The following EHD4 variants were observed in gnomAD, a reference collection of about 807,000 sequenced individuals.
EHD4 encodes the protein EH domain-containing protein 4.
A neutral mutation model predicts 51.0 loss-of-function variants in EHD4; 37 were observed. The ratio of observed to expected loss-of-function variants is 0.73; its 90% CI spans 0.56 to 0.95. The LOEUF is 0.95. Among genes scored for constraint, EHD4 ranks in the 40% least tolerant of loss-of-function variants. EHD4 has a pLI of 0.00. For synonymous variants in EHD4, 297 were observed against 317.3 expected (o/e 0.94, Z 0.68); for missense variants, 632 against 733.1 (o/e 0.86, Z 1.59).
chr15:41,943,255 C>T, intron 2 of EHD4, 91 bp from the exon 3 acceptor site: 1 of 991,272 alleles, frequency 1.0e-6, no homozygotes, highest in East Asian at 2.7e-5. Context: ...GGCTTACTGA[C>T]ATCTGTAAAG....
In EHD4 at chr15:41,896,711, T is replaced by C. The variant is rs2067441115; in HGVS notation, c.*3934A>G. On this transcript the variant is annotated 3_prime_UTR_variant, in exon 6 of 6. Transcript: ENST00000220325. ...GGCAGGGGCTCCTCCCTAGCACGAC[T>C]GGAGAAAGGACTCCTGTGAAGCGGT... The C allele has an allele frequency of 6.6e-6, 1 of 152,276 alleles. No individual in the cohort carries two copies. The allele number at this position is 152,276 out of a possible 1,614,324, so 9.4% of individuals were successfully genotyped here. A position where few individuals can be genotyped will look rare whatever the true frequency, so the allele number is the denominator to read the frequency against.
intron 5 of EHD4, among the ~76,000 whole-genome samples, chr15:41,908,893 T>C (rs990666874): frequency 6.6e-6 from 1 of 152,220 alleles, no homozygotes; most frequent in Non-Finnish European, 1.5e-5. Context: ...TACTGGGTGG[T>C]GGCTGCAGGC....
At chr15:41,904,169 C>G (rs1265843726) in intron 5 of EHD4, among the ~76,000 whole-genome samples, 3 of 152,154 alleles carry the variant, frequency 2.0e-5, no homozygotes, top group African/African-American at 7.2e-5. Flanking sequence ...TGTGTCTGGC[C>G]CAGCAGACAA....
chr15:41,923,381 A>G (rs1334377014), intron 3 of EHD4, among the ~76,000 whole-genome samples: 1 of 152,144 alleles, frequency 6.6e-6, no homozygotes, highest in Non-Finnish European at 1.5e-5. Context: ...GGCGGCAAAT[A>G]CCTAGCTACC....
chr15:41,953,639 T>G, intron 2 of EHD4, 125 bp downstream of exon 2: 1 of 1,061,838 alleles, frequency 9.4e-7, no homozygotes, highest in Non-Finnish European at 1.4e-6. Context: ...ATAAACATAT[T>G]TTGTATGACT....
intron 4 of EHD4, among the ~76,000 whole-genome samples, chr15:41,918,354 C>T (rs2067599936): frequency 6.6e-6 from 1 of 152,192 alleles, no homozygotes; most frequent in African/African-American, 2.4e-5. Flanking sequence ...TGATGATCAG[C>T]CAGGTTTGAA....
intron 3 of EHD4, among the ~76,000 whole-genome samples, chr15:41,932,657 C>T (rs974034936): frequency 6.6e-6 from 1 of 152,110 alleles, no homozygotes; most frequent in African/African-American, 2.4e-5. Flanking sequence ...TGCCAGAAGC[C>T]GGGCCCCTCA....
chr15:41,926,057 A>C (rs2067658518), intron 3 of EHD4: 1 of 152,180 alleles, frequency 6.6e-6, no homozygotes, highest in South Asian at 2.1e-4. Context: ...ATGAGTTTTA[A>C]ACAAGATGTG....
chr15:41,963,204 C>T (rs913071539), intron 1 of EHD4, among the ~76,000 whole-genome samples: 1 of 151,400 alleles, frequency 6.6e-6, no homozygotes, highest in Non-Finnish European at 1.5e-5. Flanking sequence ...CCCTTGTTCA[C>T]ATGTTTATCT....
intron 4 of EHD4, among the ~76,000 whole-genome samples, chr15:41,913,637 C>T (rs2067564137): frequency 6.6e-6 from 1 of 152,212 alleles, no homozygotes; most frequent in Non-Finnish European, 1.5e-5. Flanking sequence ...CAAATGTTAA[C>T]TTGTTATCAA....
intron 4 of EHD4, among the ~76,000 whole-genome samples, chr15:41,915,794 C>T (rs912123347): frequency 1.3e-5 from 2 of 152,010 alleles, no homozygotes; most frequent in African/African-American, 2.4e-5. Flanking sequence ...GAGTGTGAGC[C>T]GTCTTCCAAG....
chr15:41,940,533 G>A (rs957088953), intron 3 of EHD4, among the ~76,000 whole-genome samples: 15 of 152,186 alleles, frequency 9.9e-5, no homozygotes, highest in African/African-American at 2.4e-4. Flanking sequence ...GTGTGGCACC[G>A]GGCTTGGGAA....
At position 41,919,342 on chromosome 15, in the gene EHD4, G is replaced by A; in HGVS notation, c.792C>T (p.Pro264=). 7 of 1,614,208 alleles carry A rather than the reference G, an allele frequency of 4.3e-6. No individual in the cohort carries two copies. Among genetic ancestry groups the A allele is most frequent in the Middle Eastern group, 3.3e-4 (2 of 6,058 alleles). Residue 264 remains proline (P), a synonymous_variant, in exon 4 of 6, where the codon CCC becomes CCT. Transcript: ENST00000220325. ...RVYIGSFWAQ[P]LQNTDNRRLF... is the part of the protein sequence containing the mutation. The stretch of plus-strand genomic sequence containing the variant: ...GCCGGCGGTTGTCCGTGTTCTGCAG[G>A]GGCTGCGCCCAGAAGGAGCCAATGT...
At chr15:41,941,408 A>C (rs542781282) in intron 3 of EHD4, among the ~76,000 whole-genome samples, 1 of 152,324 alleles carries the variant, frequency 6.6e-6, no homozygotes, top group Non-Finnish European at 1.5e-5. Flanking sequence ...GCATATGCGC[A>C]GGAAAAAGTC....
chr15:41,963,905 G>T (rs984949089), intron 1 of EHD4, among the ~76,000 whole-genome samples: 4 of 151,950 alleles, frequency 2.6e-5, no homozygotes, highest in Admixed American at 2.0e-4. Context: ...CAGCATTTTG[G>T]GAGGCCGAGG....
At position 41,961,563 on chromosome 15, in the gene EHD4, T is replaced by G. The variant is rs77872679; in HGVS notation, c.237-7623A>C. Among the ~76,000 whole-genome samples the G allele has an allele frequency of 1.3e-4, 20 of 152,352 alleles. No homozygotes were observed. The East Asian group carries it at 3.7e-3, about 28-fold the overall frequency. On this transcript the variant is annotated intron_variant, in intron 1 of 5. Transcript: ENST00000220325. ...TTTATTTTCTTTGAACACTTACGAA[T>G]GATCTCCCACAACTGCATTCCACAG...
rs10552371 is a variant in EHD4, at chr15:41,915,085, GACACACACAC to G, written c.924+4115_924+4124del. Among the ~76,000 whole-genome samples the G allele has an allele frequency of 8.0e-4, 119 of 149,668 alleles. No individual in the cohort carries two copies. In the East Asian group the frequency reaches 0.02, roughly 25 times the overall value. ...TTAGTACATGTGTCTCAGTCTTGGA[GACACACACAC>G]ACACACACACACACACATCATTGGA... On this transcript the variant is annotated intron_variant, in intron 4 of 5. Coordinates refer to ENST00000220325, the MANE Select transcript of EHD4 (RefSeq NM_139265.4).
At chr15:41,937,017 A>G (rs1341843728) in intron 3 of EHD4, among the ~76,000 whole-genome samples, 1 of 152,204 alleles carries the variant, frequency 6.6e-6, no homozygotes, top group Non-Finnish European at 1.5e-5. Context: ...AGGGATGGAC[A>G]CTTTTCTGTC....
At chr15:41,968,289 T>A (rs1455414925) in intron 1 of EHD4, among the ~76,000 whole-genome samples, 1 of 152,190 alleles carries the variant, frequency 6.6e-6, no homozygotes, top group Non-Finnish European at 1.5e-5. Flanking sequence ...CTAAAGTTTT[T>A]AAACACAATT....
Sources: allele counts gnomAD v4.1 joint callset (sites outside exome capture counted in the v4.1 genomes callset), GRCh38; gene constraint gnomAD v4.1.1; transcripts MANE v1.5; gene names NCBI Gene and HGNC (gene_info 2026-07-23, HGNC 2026-07-21).